Variants in C2CD3 observed in about 807,000 individuals in gnomAD.
C2CD3 encodes C2 domain containing 3 centriole elongation regulator, also known as C2 domain-containing protein 3.
C2CD3 carries 148 observed loss-of-function variants against 234.0 expected under a neutral mutation model. The ratio of observed to expected loss-of-function variants is 0.63; its 90% CI spans 0.55 to 0.72. The LOEUF is 0.72. C2CD3 is among the 30% of genes least tolerant of loss of function. The probability of loss-of-function intolerance (pLI) is 0.00; values close to 1 mark genes in which losing one functional copy is unlikely to be tolerated. For missense variants in C2CD3, 2,577 were observed against 2,811.5 expected (o/e 0.92, Z 1.89); for synonymous variants, 1,000 against 1,035.4 (o/e 0.97, Z 0.66).
At chr11:74,086,248 C>T (rs1224344957) in intron 20 of C2CD3, among the ~76,000 whole-genome samples, 1 of 152,184 alleles carries the variant, frequency 6.6e-6, no homozygotes, top group Non-Finnish European at 1.5e-5. Flanking sequence ...TAGTACATCT[C>T]AGTGAGAAGT....
At chr11:74,155,518 T>C (rs191078855) in intron 3 of C2CD3, among the ~76,000 whole-genome samples, 55 of 152,328 alleles carry the variant, frequency 3.6e-4, no homozygotes, top group African/African-American at 1.3e-3. Flanking sequence ...CTATCAACTT[T>C]AGAATGGGAT....
chr11:74,095,893 A>G (rs1348906753), intron 16 of C2CD3, among the ~76,000 whole-genome samples: 1 of 152,206 alleles, frequency 6.6e-6, no homozygotes, highest in Admixed American at 6.5e-5. Context: ...AAGGAAAACT[A>G]ATAGCCTACA....
At chr11:74,036,502 A>G (rs1239614433) in intron 30 of C2CD3, 2 of 455,974 alleles carry the variant, frequency 4.4e-6, no homozygotes, top group Admixed American at 2.3e-5. Context: ...AAGAAGACAG[A>G]AAGAAGGTTT....
intron 26 of C2CD3, among the ~76,000 whole-genome samples, chr11:74,051,348 T>C (rs1953676786): frequency 6.6e-6 from 1 of 152,038 alleles, no homozygotes; most frequent in Admixed American, 6.6e-5. Context: ...TTTGATTCTA[T>C]AAACACTTGA....
intron 28 of C2CD3, among the ~76,000 whole-genome samples, chr11:74,044,391 G>A (rs903870457): frequency 2.6e-5 from 4 of 151,462 alleles, no homozygotes; most frequent in African/African-American, 9.7e-5. Context: ...GGAGGTGGAG[G>A]TTGCAGTGGG....
intron 7 of C2CD3, among the ~76,000 whole-genome samples, chr11:74,127,313 C>G (rs1011876274): frequency 6.6e-6 from 1 of 152,204 alleles, no homozygotes; most frequent in Non-Finnish European, 1.5e-5. Context: ...TGGCTTCTTT[C>G]AATTAGCATG....
intron 32 of C2CD3, among the ~76,000 whole-genome samples, chr11:74,023,759 A>G (rs921461691): frequency 6.6e-6 from 1 of 152,044 alleles, no homozygotes; most frequent in Non-Finnish European, 1.5e-5. Flanking sequence ...ATATTAAAAA[A>G]CAAAAACAAC....
chr11:74,079,778 T>C (rs918038470), intron 22 of C2CD3, among the ~76,000 whole-genome samples: 5 of 152,054 alleles, frequency 3.3e-5, no homozygotes, highest in African/African-American at 9.7e-5. Context: ...CTAGTATAGG[T>C]TCACACTATC....
chr11:74,127,215 C>T (rs574663221), intron 7 of C2CD3, among the ~76,000 whole-genome samples: 1 of 152,208 alleles, frequency 6.6e-6, no homozygotes, highest in South Asian at 2.1e-4. Context: ...CCCTGTTGCC[C>T]AGGCTGGTCT....
At chr11:74,123,666 A>G (rs1186572301) in intron 7 of C2CD3, among the ~76,000 whole-genome samples, 1 of 150,822 alleles carries the variant, frequency 6.6e-6, no homozygotes, top group Non-Finnish European at 1.5e-5. Context: ...AGATAAGCAT[A>G]TAAGTAACTA....
chr11:74,100,496 T>C (rs751238611), intron 15 of C2CD3, 29 bp downstream of exon 15: 41 of 1,583,058 alleles, frequency 2.6e-5, no homozygotes, highest in Non-Finnish European at 3.4e-5. Context: ...AGATGCACAA[T>C]AAAGAATACT....
chr11:74,019,183 T>C (rs543684495), intron 32 of C2CD3, among the ~76,000 whole-genome samples: 1 of 152,270 alleles, frequency 6.6e-6, no homozygotes, highest in South Asian at 2.1e-4. Context: ...GTTATACTCT[T>C]ACAAGAAGAG....
At chr11:74,096,195 C>T (rs771502979) in intron 16 of C2CD3, among the ~76,000 whole-genome samples, 3 of 152,168 alleles carry the variant, frequency 2.0e-5, no homozygotes, top group South Asian at 2.1e-4. Flanking sequence ...TTAGACTCAA[C>T]GTAGTCTGAC....
intron 1 of C2CD3, among the ~76,000 whole-genome samples, chr11:74,169,260 C>T (rs1185839933): frequency 6.6e-6 from 1 of 152,178 alleles, no homozygotes; most frequent in Non-Finnish European, 1.5e-5. Flanking sequence ...GTGCTGGGTT[C>T]ATATATTTAT....
At chr11:74,045,232 C>T (rs184168877) in intron 28 of C2CD3, among the ~76,000 whole-genome samples, 104 of 152,308 alleles carry the variant, frequency 6.8e-4, no homozygotes, top group African/African-American at 2.4e-3. Context: ...ACCACAGACA[C>T]ATGGGTTTAT....
Position 74,103,214 on chromosome 11 carries a change from T to A in C2CD3, c.2497A>T (p.Asn833Tyr). The A allele has an allele frequency of 6.2e-7, 1 of 1,614,234 alleles. No homozygotes were observed. ...EKQSPCNVYL[N>Y]CKLFSTEEVT... ...TCCTCTGTGCTGAAGAGTTTACAATTTAAATAAACATTGCATGGTGATTGT... is the reference window on the plus strand; with the variant it reads ...TCCTCTGTGCTGAAGAGTTTACAATATAAATAAACATTGCATGGTGATTGT... The change falls in exon 14 of 33, where the codon AAT (asparagine) becomes TAT (tyrosine). Residue 833 changes from asparagine (N) to tyrosine (Y), a missense_variant. Physicochemically the swap from Asn to Tyr is moderately radical, Grantham distance 143. Coordinates refer to ENST00000334126, the MANE Select transcript of C2CD3 (RefSeq NM_001286577.2).
rs542780542 is a variant in C2CD3, at chr11:74,139,675, G to A, written c.637C>T (p.Arg213Cys). The A allele has an allele frequency of 1.3e-5, 21 of 1,613,946 alleles. No homozygotes were observed. The highest frequency in any genetic ancestry group is 3.3e-5 in the South Asian group (3 of 91,072). Reference sequence around the variant, plus strand: ...TCAATTTTGATGGTATGTATGTCGCGAGGCCTTGATGGAACCTGAAACTGG... The same window carrying A: ...TCAATTTTGATGGTATGTATGTCGCAAGGCCTTGATGGAACCTGAAACTGG... ...STQFQVPSRPRDIHTIKIDGK... is the reference protein window; with the variant it reads ...STQFQVPSRPCDIHTIKIDGK... Residue 213 changes from arginine to cysteine, a missense_variant, in exon 4 of 33, where the codon CGC becomes TGC. Arg to Cys is a radical substitution (Grantham distance 180). Transcript: ENST00000334126.
intron 14 of C2CD3, among the ~76,000 whole-genome samples, chr11:74,101,863 C>T: frequency 6.6e-6 from 1 of 151,772 alleles, no homozygotes; most frequent in Non-Finnish European, 1.5e-5. Context: ...TTCAAAGGGT[C>T]TTGGATGCCA....
intron 18 of C2CD3, 110 bp from the exon 19 acceptor site, chr11:74,092,698 G>A (rs1955943040): frequency 1.2e-6 from 1 of 843,996 alleles, no homozygotes; most frequent in Non-Finnish European, 1.8e-6. Flanking sequence ...TGATTGTTCT[G>A]TGTTGGTAGT....
Sources: gnomAD v4.1 joint callset for allele counts (sites outside exome capture counted in the v4.1 genomes callset) on GRCh38, gnomAD v4.1.1 for gene constraint, MANE v1.5 for transcripts, NCBI Gene and HGNC (gene_info 2026-07-23, HGNC 2026-07-21) for gene names.